PKIB: variants seen among roughly 807,000 people sequenced by gnomAD.
PKIB encodes PKI-beta.
PKIB carries 2 observed loss-of-function variants against 4.5 expected under a neutral mutation model. The observed-to-expected ratio is 0.44, with a 90% confidence interval of 0.18 to 1.39. PKIB has a LOEUF of 1.39. Among genes scored for constraint, PKIB ranks in the 40% most tolerant of loss-of-function variants. The probability of loss-of-function intolerance (pLI) is 0.27; values close to 1 mark genes in which losing one functional copy is unlikely to be tolerated. For missense variants in PKIB, 94 were observed against 92.6 expected (o/e 1.02, Z -0.06); for synonymous variants, 38 against 36.0 (o/e 1.06, Z -0.20).
intron 2 of PKIB, among the ~76,000 whole-genome samples, chr6:122,666,421 C>T (rs1449966738): frequency 1.3e-5 from 2 of 150,832 alleles, no homozygotes; most frequent in Non-Finnish European, 3.0e-5. Flanking sequence ...ATATCTACTT[C>T]AAAAACATTT....
chr6:122,684,466 CCAAA>C (rs944412327), intron 3 of PKIB, among the ~76,000 whole-genome samples: 6 of 152,112 alleles, frequency 3.9e-5, no homozygotes, highest in African/African-American at 1.4e-4. Context: ...CACATCTCCC[CCAAA>C]CAGAGGCTGG....
rs1476090235 is a variant in PKIB, at chr6:122,725,052, A to G, written c.170-76A>G. On this transcript the variant is annotated intron_variant, in intron 4 of 4. Coordinates refer to ENST00000368452, the MANE Select transcript of PKIB (RefSeq NM_181795.3). Reference sequence around the variant, plus strand: ...AATATGGACGGTGGACAAAGGAAAAACCAATGGTTTTATTCTAACATAATA... The same window carrying G: ...AATATGGACGGTGGACAAAGGAAAAGCCAATGGTTTTATTCTAACATAATA... The G allele has an allele frequency of 4.1e-5, 48 of 1,173,490 alleles. No homozygotes were observed. The Admixed American group carries it at 9.1e-4, about 22-fold the overall frequency. The allele number at this position is 1,173,490 out of a possible 1,614,324, so 72.7% of individuals were successfully genotyped here.
intron 2 of PKIB, among the ~76,000 whole-genome samples, chr6:122,561,997 T>G (rs1773037200): frequency 7.4e-6 from 1 of 135,414 alleles, no homozygotes; most frequent in South Asian, 2.6e-4. Flanking sequence ...TGTTTTTGTT[T>G]TTTTTTGTTT....
intron 2 of PKIB, among the ~76,000 whole-genome samples, chr6:122,656,949 GAATTGTA>G (rs987413122): frequency 2.6e-5 from 4 of 151,910 alleles, no homozygotes; most frequent in Non-Finnish European, 4.4e-5. Flanking sequence ...TTCCCTTTCA[GAATTGTA>G]AATTGTAAAT....
chr6:122,719,506 T>C (rs2115081327), intron 4 of PKIB, among the ~76,000 whole-genome samples: 1 of 152,198 alleles, frequency 6.6e-6, no homozygotes, highest in South Asian at 2.1e-4. Context: ...TCATGGAATC[T>C]GAAAGAGACA....
chr6:122,715,383 G>C (rs1278579356), intron 3 of PKIB, among the ~76,000 whole-genome samples: 2 of 151,978 alleles, frequency 1.3e-5, no homozygotes, highest in African/African-American at 4.8e-5. Context: ...GATACTTGCA[G>C]CCATAGTGGT....
chr6:122,624,463 G>A (rs1046308427), intron 1 of PKIB, among the ~76,000 whole-genome samples: 7 of 152,190 alleles, frequency 4.6e-5, no homozygotes, highest in Non-Finnish European at 8.8e-5. Flanking sequence ...TATAAAGGAA[G>A]AGGAAATCCT....
chr6:122,551,820 A>G (rs1271112748), intron 2 of PKIB, among the ~76,000 whole-genome samples: 1 of 144,796 alleles, frequency 6.9e-6, no homozygotes, highest in African/African-American at 2.5e-5. Context: ...GGGTTAAATG[A>G]GAGTAATCAC....
intron 1 of PKIB, among the ~76,000 whole-genome samples, chr6:122,477,580 T>C (rs186230273): frequency 6.5e-4 from 99 of 152,350 alleles, no homozygotes; most frequent in Middle Eastern, 3.4e-3. Context: ...TTTATCCTGA[T>C]TTCTTTTTTA....
At chr6:122,506,877 A>AT (rs1776421845) in intron 2 of PKIB, among the ~76,000 whole-genome samples, 1 of 149,970 alleles carries the variant, frequency 6.7e-6, no homozygotes, top group Admixed American at 6.6e-5. Flanking sequence ...TTTTTTTTGT[A>AT]TTTTTAGTAG....
intron 2 of PKIB, among the ~76,000 whole-genome samples, chr6:122,645,793 C>T (rs527477377): frequency 6.6e-6 from 1 of 152,324 alleles, no homozygotes; most frequent in African/African-American, 2.4e-5. Context: ...TGGAAGGATA[C>T]TGGAGCTGGG....
intron 2 of PKIB, among the ~76,000 whole-genome samples, chr6:122,503,714 T>C (rs1776314465): frequency 6.6e-6 from 1 of 152,178 alleles, no homozygotes; most frequent in Non-Finnish European, 1.5e-5. Flanking sequence ...TTCATTCCTC[T>C]CCTGTTTCCC....
chr6:122,672,915 G>A (rs958763686), intron 2 of PKIB, among the ~76,000 whole-genome samples: 14 of 151,922 alleles, frequency 9.2e-5, no homozygotes, highest in Admixed American at 3.9e-4. Context: ...TTTGATAAGT[G>A]ATATTTTAAA....
intron 2 of PKIB, among the ~76,000 whole-genome samples, chr6:122,534,662 A>G (rs1777353661): frequency 6.6e-6 from 1 of 152,016 alleles, no homozygotes; most frequent in Admixed American, 6.6e-5. Context: ...GGAAAAATAT[A>G]TAATATAATA....
chr6:122,610,781 C>T (rs940715771), intron 1 of PKIB, among the ~76,000 whole-genome samples: 1 of 152,246 alleles, frequency 6.6e-6, no homozygotes, highest in East Asian at 1.9e-4. Context: ...CTCACGCCAA[C>T]AGGCGTGACG....
chr6:122,531,854 C>T (rs147132724), intron 2 of PKIB, among the ~76,000 whole-genome samples: 99 of 152,320 alleles, frequency 6.5e-4, no homozygotes, highest in Non-Finnish European at 3.1e-4. Context: ...TTGTGCTTGG[C>T]ACAAAGTAGC....
chr6:122,588,100 T>C (rs1368888642), intron 3 of PKIB, among the ~76,000 whole-genome samples: 1 of 152,182 alleles, frequency 6.6e-6, no homozygotes, highest in Non-Finnish European at 1.5e-5. Context: ...TCCTTGCCCA[T>C]GCCTATGTCC....
At chr6:122,547,718 A>G (rs923150872) in intron 2 of PKIB, among the ~76,000 whole-genome samples, 13 of 141,702 alleles carry the variant, frequency 9.2e-5, no homozygotes, top group African/African-American at 3.4e-4. Flanking sequence ...GCACAGCTGC[A>G]TGGCCGGCTC....
chr6:122,613,322 G>A (rs1413326130), intron 1 of PKIB, among the ~76,000 whole-genome samples: 2 of 152,104 alleles, frequency 1.3e-5, no homozygotes, highest in African/African-American at 4.8e-5. Flanking sequence ...TACGTCTTGT[G>A]AACTATATGT....
Sources: allele counts gnomAD v4.1 joint callset (sites outside exome capture counted in the v4.1 genomes callset), GRCh38; gene constraint gnomAD v4.1.1; transcripts MANE v1.5; gene names NCBI Gene and HGNC (gene_info 2026-07-23, HGNC 2026-07-21).